NPSR1: variants seen among roughly 807,000 people sequenced by gnomAD.
NPSR1 encodes neuropeptide S receptor 1.
A neutral mutation model predicts 46.9 loss-of-function variants in NPSR1; 48 were observed. That is an observed-to-expected ratio of 1.02 (90% CI 0.81 to 1.30). The LOEUF (loss-of-function observed/expected upper bound fraction) is 1.30. NPSR1 is among the 50% of genes most tolerant of loss of function. The pLI is 0.00. For synonymous variants in NPSR1, 176 were observed against 168.1 expected, an observed-to-expected ratio of 1.05 and a Z score of -0.36; for missense variants, 450 against 449.5, an observed-to-expected ratio of 1.00 and a Z score of -0.01.
At chr7:34,705,904 C>A (rs947322206) in intron 2 of NPSR1, among the ~76,000 whole-genome samples, 16 of 150,968 alleles carry the variant, frequency 1.1e-4, no homozygotes, top group Admixed American at 6.6e-4. Flanking sequence ...TTCGACACAG[C>A]TCTCAACTTT....
intron 2 of NPSR1, among the ~76,000 whole-genome samples, chr7:34,774,480 T>C (rs1262493271): frequency 6.6e-6 from 1 of 152,200 alleles, no homozygotes; most frequent in Non-Finnish European, 1.5e-5. Context: ...GCATTGGCAA[T>C]AATCTAGCTC....
chr7:34,708,575 CTGGAGCTTA>C (rs1794224333), intron 2 of NPSR1, among the ~76,000 whole-genome samples: 1 of 152,164 alleles, frequency 6.6e-6, no homozygotes, highest in Non-Finnish European at 1.5e-5. Flanking sequence ...CCCAAACATG[CTGGAGCTTA>C]TAGTTAGAGG....
chr7:34,691,870 C>G (rs1774695300), intron 2 of NPSR1, among the ~76,000 whole-genome samples: 1 of 152,136 alleles, frequency 6.6e-6, no homozygotes, highest in African/African-American at 2.4e-5. Context: ...AATCCCAGCA[C>G]TTTGAGGGGC....
At chr7:34,776,738 G>C (rs1330367022) in intron 2 of NPSR1, among the ~76,000 whole-genome samples, 4 of 152,134 alleles carry the variant, frequency 2.6e-5, no homozygotes, top group Non-Finnish European at 5.9e-5. Flanking sequence ...GGGTATTGCT[G>C]CTGGTTATTC....
chr7:34,706,722 T>C (rs7777601), intron 2 of NPSR1, among the ~76,000 whole-genome samples: 1,638 of 152,286 alleles, frequency 0.011, 29 homozygotes, highest in African/African-American at 0.038. Context: ...AAATATGCGC[T>C]AAAATTTCAG....
intron 6 of NPSR1, among the ~76,000 whole-genome samples, chr7:34,835,859 T>G (rs1790341057): frequency 6.6e-6 from 1 of 152,196 alleles, no homozygotes; most frequent in Admixed American, 6.5e-5. Flanking sequence ...GGTTTTACAA[T>G]GCACCGAAAC....
intron 2 of NPSR1, among the ~76,000 whole-genome samples, chr7:34,691,990 G>T (rs1793286532): frequency 6.6e-6 from 1 of 152,060 alleles, no homozygotes; most frequent in African/African-American, 2.4e-5. Context: ...AATTAATTAA[G>T]CATAGTAGCA....
At chr7:34,805,982 T>G (rs1788680143) in intron 3 of NPSR1, among the ~76,000 whole-genome samples, 1 of 151,918 alleles carries the variant, frequency 6.6e-6, no homozygotes, top group South Asian at 2.1e-4. Context: ...GAGACAACAC[T>G]ACACATCTAT....
At chr7:34,747,129 C>CAAAAAA (rs5883471) in intron 2 of NPSR1, among the ~76,000 whole-genome samples, 1 of 106,964 alleles carries the variant, frequency 9.3e-6, no homozygotes. Context: ...ACCAAAAAAA[C>CAAAAAA]AAAAAAAAAA....
chr7:34,706,205 CAGG>C (rs1270019115), intron 2 of NPSR1, among the ~76,000 whole-genome samples: 1 of 151,080 alleles, frequency 6.6e-6, no homozygotes, highest in East Asian at 1.9e-4. Flanking sequence ...ATGCTTTCAC[CAGG>C]TTATGTCTAT....
intron 8 of NPSR1, among the ~76,000 whole-genome samples, chr7:34,859,748 C>T (rs1449760740): frequency 1.3e-5 from 2 of 151,804 alleles, no homozygotes; most frequent in African/African-American, 4.9e-5. Flanking sequence ...GAACCCCCAA[C>T]CCCAGAGATT....
intron 4 of NPSR1, among the ~76,000 whole-genome samples, chr7:34,821,861 C>G (rs1472113373): frequency 6.6e-6 from 1 of 152,210 alleles, no homozygotes. Context: ...AAATCCTCAT[C>G]ATCAGTAGCT....
chr7:34,870,357 C>T (rs1366890988), intron 8 of NPSR1, among the ~76,000 whole-genome samples: 1 of 151,770 alleles, frequency 6.6e-6, no homozygotes, highest in Non-Finnish European at 1.5e-5. Flanking sequence ...CTGTTGAATA[C>T]ATTTGGAGCC....
At chr7:34,815,425 A>G (rs922318790) in intron 4 of NPSR1, among the ~76,000 whole-genome samples, 2 of 152,230 alleles carry the variant, frequency 1.3e-5, no homozygotes, top group African/African-American at 4.8e-5. Flanking sequence ...TACTATGTGA[A>G]AAGACCAAAT....
At chr7:34,846,203 T>C (rs1790736648) in intron 7 of NPSR1, among the ~76,000 whole-genome samples, 1 of 152,090 alleles carries the variant, frequency 6.6e-6, no homozygotes, top group Admixed American at 6.6e-5. Context: ...GGATGTTGAG[T>C]TGGAAAATGT....
chr7:34,863,738 G>A (rs1584154611), intron 8 of NPSR1, among the ~76,000 whole-genome samples: 1 of 151,928 alleles, frequency 6.6e-6, no homozygotes, highest in East Asian at 1.9e-4. Flanking sequence ...AGATGCTGGA[G>A]AGGATGTAGA....
intron 2 of NPSR1, among the ~76,000 whole-genome samples, chr7:34,720,003 C>T (rs1473955456): frequency 6.6e-6 from 1 of 151,572 alleles, no homozygotes; most frequent in Non-Finnish European, 1.5e-5. Context: ...GAGCCAAGGC[C>T]AGGCATGGTG....
At chr7:34,747,129 C>CAAAAAAA (rs5883471) in intron 2 of NPSR1, among the ~76,000 whole-genome samples, 2 of 106,962 alleles carry the variant, frequency 1.9e-5, no homozygotes, top group African/African-American at 3.8e-5. Context: ...ACCAAAAAAA[C>CAAAAAAA]AAAAAAAAAA....
At chr7:34,700,236 G>A (rs1334838407) in intron 2 of NPSR1, among the ~76,000 whole-genome samples, 1 of 152,100 alleles carries the variant, frequency 6.6e-6, no homozygotes, top group African/African-American at 2.4e-5. Context: ...AGGAAGGAAG[G>A]AAGGAAGGAT....
Sources: allele counts gnomAD v4.1 joint callset (sites outside exome capture counted in the v4.1 genomes callset), GRCh38; gene constraint gnomAD v4.1.1; transcripts MANE v1.5; gene names NCBI Gene and HGNC (gene_info 2026-07-23, HGNC 2026-07-21).